The following MYCN variants were observed in gnomAD, a reference collection of about 807,000 sequenced individuals.
MYCN encodes the protein MYCN proto-oncogene, bHLH transcription factor.
A neutral mutation model predicts 28.1 loss-of-function variants in MYCN; 3 were observed. That is an observed-to-expected ratio of 0.11 (90% CI 0.05 to 0.28). The LOEUF (loss-of-function observed/expected upper bound fraction) is 0.28. MYCN is among the 10% of genes least tolerant of loss of function. MYCN has a pLI of 1.00. For missense variants in MYCN, 572 were observed against 651.4 expected, an observed-to-expected ratio of 0.88 and a Z score of 1.33; for synonymous variants, 326 against 288.3, an observed-to-expected ratio of 1.13 and a Z score of -1.32.
At chr2:15,940,858 G>A (rs1662628131) in intron 1 of MYCN, 115 bp downstream of exon 1, 1 of 397,970 alleles carries the variant, frequency 2.5e-6, no homozygotes, top group Non-Finnish European at 4.4e-6. Flanking sequence ...TATGCCCGGG[G>A]GACTGTTTCT....
At position 15,946,226 on chromosome 2, in the gene MYCN, T is replaced by C; in HGVS notation, c.*129T>C. ...GTCCCCTGTCGAGTTCGGCTCTGGGTGGGCAGTAGGACCACCAGTGTGGGG... is the reference window on the plus strand; with the variant it reads ...GTCCCCTGTCGAGTTCGGCTCTGGGCGGGCAGTAGGACCACCAGTGTGGGG... On this transcript the variant is annotated 3_prime_UTR_variant, in exon 3 of 3. Transcript: ENST00000281043. The C allele has an allele frequency of 7.3e-7, 1 of 1,360,992 alleles. No homozygotes were observed. Among genetic ancestry groups the C allele is most frequent in the Non-Finnish European group, 1.0e-6 (1 of 976,114 alleles). 84.3% of individuals were successfully genotyped at this position (1,360,992 alleles called of 1,614,324 possible).
Position 15,942,231 on chromosome 2 carries a change from T to TGCCCACGCCCCCGCTGTC in MYCN, c.173_190dup (p.Thr58_Pro63dup). 1.6e-5 allele frequency: 26 copies of TGCCCACGCCCCCGCTGTC among 1,613,146 alleles called. No homozygotes were observed. The highest frequency in any genetic ancestry group is 2.2e-5 in the Non-Finnish European group (26 of 1,179,936). ...GACATCTGGAAGAAGTTTGAGCTGC[T>TGCCCACGCCCCCGCTGTC]GCCCACGCCCCCGCTGTCGCCCAGC... On this transcript the variant is annotated inframe_insertion, in exon 2 of 3. Coordinates refer to ENST00000281043, the MANE Select transcript of MYCN (RefSeq NM_005378.6). The surrounding 1 kb of genome is among the most constrained non-coding windows in gnomAD (Gnocchi z 7.0).
chr2:15,946,336 A>C lies in MYCN; in HGVS notation c.*239A>C. The C allele has an allele frequency of 1.8e-5, 10 of 570,084 alleles. No homozygotes were observed. The highest frequency in any genetic ancestry group is 3.1e-5 in the East Asian group (1 of 32,676). 35.3% of individuals were successfully genotyped at this position (570,084 alleles called of 1,614,324 possible). A position where few individuals can be genotyped will look rare whatever the true frequency, so the allele number is the denominator to read the frequency against. ...CCACCTCACCTCCATGACAGCGCTA[A>C]ACGTTGGTGACGGTTGGGAGCCTCT... On this transcript the variant is annotated 3_prime_UTR_variant, in exon 3 of 3. Transcript: ENST00000281043.
chr2:15,941,754 G>T lies in MYCN; in HGVS notation c.-117-194G>T, dbSNP rs1336422999. The stretch of plus-strand genomic sequence containing the variant: ...TGCATGCCCCCTCCCACCCCCTGTC[G>T]TAGACAGCTTGTACACAAAAGGAGG... On this transcript the variant is annotated intron_variant, in intron 1 of 2. Coordinates refer to ENST00000281043, the MANE Select transcript of MYCN (RefSeq NM_005378.6). This position sits in a 1 kb window ranked among gnomAD's most constrained non-coding sequence, Gnocchi z 4.8. 6.0e-6 allele frequency: 3 copies of T among 501,278 alleles called. No individual in the cohort carries two copies. The South Asian group carries it at 6.6e-5, about 11-fold the overall frequency. The allele number at this position is 501,278 out of a possible 1,614,324, so 31.1% of individuals were successfully genotyped here.
At position 15,946,004 on chromosome 2, in the gene MYCN, G is replaced by T; in HGVS notation, c.1302G>T (p.Gln434His). The change falls in exon 3 of 3, where the codon CAG becomes CAT. Residue 434 changes from glutamine to histidine, a missense_variant. Physicochemically the swap from Gln to His is conservative, Grantham distance 24. Transcript: ENST00000281043. Reference protein sequence around the residue: ...KKATEYVHSLQAEEHQLLLEK... With the variant: ...KKATEYVHSLHAEEHQLLLEK... ...CCACTGAGTATGTCCACTCCCTCCA[G>T]GCCGAGGAGCACCAGCTTTTGCTGG... 1 of 1,614,204 alleles carries T rather than the reference G, an allele frequency of 6.2e-7. No homozygotes were observed. Among genetic ancestry groups the T allele is most frequent in the South Asian group, 1.1e-5 (1 of 91,088 alleles).
rs2103325559 is a variant in MYCN at position 15,942,652 on chromosome 2, C to A, written c.588C>A (p.Pro196=). 8.6e-7 allele frequency: 1 copy of A among 1,161,484 alleles called. No homozygotes were observed. Among genetic ancestry groups the A allele is most frequent in the Admixed American group, 3.7e-5 (1 of 27,226 alleles). 71.9% of individuals were successfully genotyped at this position (1,161,484 alleles called of 1,614,324 possible). The change falls in exon 2 of 3, where the codon CCC becomes CCA. Residue 196 remains proline, a synonymous_variant. Transcript: ENST00000281043. The surrounding 1 kb of genome is among the most constrained non-coding windows in gnomAD (Gnocchi z 7.0). ...CVDPAVVFPF[P]VNKREPAPVP... ...ATCCCGCCGTGGTCTTCCCCTTTCC[C>A]GTGAACAAGCGCGAGCCAGCGCCCG... is the stretch of plus-strand genomic sequence containing the variant.
At position 15,945,343 on chromosome 2, in the gene MYCN, C is replaced by G. The variant is rs930251646; in HGVS notation, c.791-150C>G. On this transcript the variant is annotated intron_variant, in intron 2 of 2. Transcript: ENST00000281043. This position sits in a 1 kb window ranked among gnomAD's most constrained non-coding sequence, Gnocchi z 4.8. ...AAAGAGATCTAAAACAAATACAAAA[C>G]TGTCCACATCTATGTTGATGGACCC... The G allele has an allele frequency of 1.1e-6, 1 of 872,978 alleles. No individual in the cohort carries two copies. Among genetic ancestry groups the G allele is most frequent in the African/African-American group, 1.7e-5 (1 of 59,220 alleles). 54.1% of individuals were successfully genotyped at this position (872,978 alleles called of 1,614,324 possible).
In MYCN at chr2:15,942,473, G is replaced by A; in HGVS notation, c.409G>A (p.Gly137Ser). The A allele has an allele frequency of 1.9e-6, 3 of 1,563,164 alleles. No homozygotes were observed. The highest frequency in any genetic ancestry group is 2.6e-6 in the Non-Finnish European group (3 of 1,159,454). The part of the protein sequence containing the change: ...ERAVSEKLQH[G>S]RGPPTAGSTA... ...CGCCGTGAGCGAGAAGCTGCAGCAC[G>A]GCCGCGGGCCGCCAACCGCCGGTTC... Residue 137 changes from glycine to serine, a missense_variant, in exon 2 of 3, where the codon GGC becomes AGC. Physicochemically the swap from Gly to Ser is moderately conservative, Grantham distance 56 (BLOSUM62 0). This residue lies in a region of MYCN where 499 missense variants were observed against 524.3 expected (regional missense o/e 0.95). Coordinates refer to ENST00000281043, the MANE Select transcript of MYCN (RefSeq NM_005378.6). The surrounding 1 kb of genome is among the most constrained non-coding windows in gnomAD (Gnocchi z 7.0).
rs780606114 is a variant in MYCN, at chr2:15,942,301, G to T, written c.237G>T (p.Thr79=). ...GCTCCGAGCCCCCGAGCTGGGTCAC[G>T]GAGATGCTGCTTGAGAACGAGCTGT... The part of the protein sequence containing the change: ...EHSSEPPSWV[T]EMLLENELWG... Residue 79 remains threonine (T), a synonymous_variant, in exon 2 of 3, where the codon ACG becomes ACT. Coordinates refer to ENST00000281043, the MANE Select transcript of MYCN (RefSeq NM_005378.6). This position sits in a 1 kb window ranked among gnomAD's most constrained non-coding sequence, Gnocchi z 7.0. 3 of 1,610,376 alleles carry T rather than the reference G, an allele frequency of 1.9e-6. No homozygotes were observed. In the East Asian group the frequency reaches 6.7e-5, roughly 36 times the overall value.
rs1572217874 is a variant in MYCN at position 15,942,667 on chromosome 2, G to A, written c.603G>A (p.Glu201=). The A allele has an allele frequency of 8.5e-7, 1 of 1,170,044 alleles. No individual in the cohort carries two copies. Among genetic ancestry groups the A allele is most frequent in the Non-Finnish European group, 1.1e-6 (1 of 946,388 alleles). The allele number at this position is 1,170,044 out of a possible 1,614,324, so 72.5% of individuals were successfully genotyped here. The change falls in exon 2 of 3, where the codon GAG becomes GAA. Residue 201 remains glutamate (E), a synonymous_variant. Coordinates refer to ENST00000281043, the MANE Select transcript of MYCN (RefSeq NM_005378.6). This position sits in a 1 kb window ranked among gnomAD's most constrained non-coding sequence, Gnocchi z 7.0. The part of the protein sequence containing the change: ...VVFPFPVNKR[E]PAPVPAAPAS... The stretch of plus-strand genomic sequence containing the variant: ...TCCCCTTTCCCGTGAACAAGCGCGA[G>A]CCAGCGCCCGTGCCCGCAGCCCCGG...
Position 15,941,648 on chromosome 2 carries a change from G to GC in MYCN, c.-117-295dup. 1 of 293,030 alleles carries GC rather than the reference G, an allele frequency of 3.4e-6. No homozygotes were observed. The highest frequency in any genetic ancestry group is 6.4e-5 in the East Asian group (1 of 15,666). The allele number at this position is 293,030 out of a possible 1,614,324, so 18.2% of individuals were successfully genotyped here. The stretch of plus-strand genomic sequence containing the variant: ...AGCTAGAATTCTGCAGCCAGGAACA[G>GC]CCCCCTCCCCCAGGCAGTGCCTTGT... On this transcript the variant is annotated intron_variant, in intron 1 of 2. Transcript: ENST00000281043. This position sits in a 1 kb window ranked among gnomAD's most constrained non-coding sequence, Gnocchi z 4.8.
rs2103325172 is a variant in MYCN, at chr2:15,942,550, C to G, written c.486C>G (p.His162Gln). The G allele has an allele frequency of 8.3e-7, 1 of 1,208,348 alleles. No homozygotes were observed. Among genetic ancestry groups the G allele is most frequent in the Non-Finnish European group, 1.0e-6 (1 of 974,432 alleles). 74.9% of individuals were successfully genotyped at this position (1,208,348 alleles called of 1,614,324 possible). The change falls in exon 2 of 3, where the codon CAC becomes CAG. Residue 162 changes from histidine (H) to glutamine (Q), a missense_variant. By Grantham distance (24) the His-to-Gln change is conservative. Transcript: ENST00000281043. The surrounding 1 kb of genome is among the most constrained non-coding windows in gnomAD (Gnocchi z 7.0). ...CCGCCAGCCCTGCGGGTCGCGGGCA[C>G]GGCGGGGCTGCGGGAGCCGGCCGCG... The part of the protein sequence containing the change: ...AGAASPAGRG[H>Q]GGAAGAGRAG...
Position 15,942,948 on chromosome 2 carries a change from G to C in MYCN, c.790+94G>C, listed in dbSNP as rs1053045611. On this transcript the variant is annotated intron_variant, in intron 2 of 2. Coordinates refer to ENST00000281043, the MANE Select transcript of MYCN (RefSeq NM_005378.6). The surrounding 1 kb of genome is among the most constrained non-coding windows in gnomAD (Gnocchi z 7.0). ...GTGCTCGTATGTCTTGGCCTGGGGA[G>C]CATTTTGGAGGCAGTGCTAGGGGCA... is the stretch of plus-strand genomic sequence containing the variant. The C allele has an allele frequency of 2.3e-5, 33 of 1,445,716 alleles. No individual in the cohort carries two copies. The highest frequency in any genetic ancestry group is 3.0e-5 in the Non-Finnish European group (32 of 1,082,424). The allele number at this position is 1,445,716 out of a possible 1,614,324, so 89.6% of individuals were successfully genotyped here.
In MYCN at chr2:15,946,729, TA is replaced by T. The variant is rs1662883694; in HGVS notation, c.*633del. On this transcript the variant is annotated 3_prime_UTR_variant, in exon 3 of 3. Transcript: ENST00000281043. ...CTGATACATAACTAAATTTGATACT[TA>T]TATTTTCGTATGAAAATGAGTTGTG... 1 of 228,752 alleles carries T rather than the reference TA, an allele frequency of 4.4e-6. No homozygotes were observed. The highest frequency in any genetic ancestry group is 2.2e-5 in the African/African-American group (1 of 45,042). 14.2% of individuals were successfully genotyped at this position (228,752 alleles called of 1,614,324 possible).
Position 15,946,034 on chromosome 2 carries a change from G to A in MYCN, c.1332G>A (p.Lys444=), listed in dbSNP as rs1219304262. ...QAEEHQLLLE[K]EKLQARQQQL... is the part of the protein sequence containing the mutation. The stretch of plus-strand genomic sequence containing the variant: ...AGGAGCACCAGCTTTTGCTGGAAAA[G>A]GAAAAATTGCAGGCAAGACAGCAGC... The change falls in exon 3 of 3, where the codon AAG becomes AAA. Residue 444 remains lysine, a synonymous_variant. Coordinates refer to ENST00000281043, the MANE Select transcript of MYCN (RefSeq NM_005378.6). 1.2e-6 allele frequency: 2 copies of A among 1,614,072 alleles called. No homozygotes were observed. The highest frequency in any genetic ancestry group is 1.7e-6 in the Non-Finnish European group (2 of 1,180,054).
rs745570906 is a variant in MYCN, at chr2:15,942,595, C to G, written c.531C>G (p.Ala177=). The G allele has an allele frequency of 3.3e-5, 36 of 1,075,448 alleles. No individual in the cohort carries two copies. The highest frequency in any genetic ancestry group is 3.9e-5 in the Non-Finnish European group (35 of 890,148). The allele number at this position is 1,075,448 out of a possible 1,614,324, so 66.6% of individuals were successfully genotyped here. The stretch of plus-strand genomic sequence containing the variant: ...GCCGCGCCGGGGCCGCCCTGCCCGC[C>G]GAGCTCGCCCACCCGGCCGCCGAGT... ...GAGRAGAALP[A]ELAHPAAECV... is the part of the protein sequence containing the mutation. Residue 177 remains alanine, a synonymous_variant, in exon 2 of 3, where the codon GCC becomes GCG. Coordinates refer to ENST00000281043, the MANE Select transcript of MYCN (RefSeq NM_005378.6). The surrounding 1 kb of genome is among the most constrained non-coding windows in gnomAD (Gnocchi z 7.0).
chr2:15,941,719 C>A lies in MYCN; in HGVS notation c.-117-229C>A. The stretch of plus-strand genomic sequence containing the variant: ...CAAAGTTGCGGAGCCTCGCCACCAC[C>A]CCCTGCATCTGCATGCCCCCTCCCA... On this transcript the variant is annotated intron_variant, in intron 1 of 2. Transcript: ENST00000281043. The surrounding 1 kb of genome is among the most constrained non-coding windows in gnomAD (Gnocchi z 4.8). 2.3e-6 allele frequency: 1 copy of A among 438,266 alleles called. No individual in the cohort carries two copies. Among genetic ancestry groups the A allele is most frequent in the Non-Finnish European group, 4.2e-6 (1 of 240,466 alleles). The allele number at this position is 438,266 out of a possible 1,614,324, so 27.1% of individuals were successfully genotyped here. A position where few individuals can be genotyped will look rare whatever the true frequency, so the allele number is the denominator to read the frequency against.
At position 15,940,573 on chromosome 2, in the gene MYCN, G is replaced by T. The variant is rs1402148350; in HGVS notation, c.-288G>T. 5 of 400,016 alleles carry T rather than the reference G, an allele frequency of 1.2e-5. No homozygotes were observed. Among genetic ancestry groups the T allele is most frequent in the Non-Finnish European group, 2.2e-5 (5 of 226,286 alleles). 24.8% of individuals were successfully genotyped at this position (400,016 alleles called of 1,614,324 possible). A position where few individuals can be genotyped will look rare whatever the true frequency, so the allele number is the denominator to read the frequency against. The stretch of plus-strand genomic sequence containing the variant: ...GCAGGCTGTGACAGTCATCTGTCTG[G>T]ACGCGCTGGGTGGATGCGGGGGGCT... On this transcript the variant is annotated 5_prime_UTR_variant, in exon 1 of 3. Transcript: ENST00000281043.
At chr2:15,943,214 G>A (rs1662761100) in intron 2 of MYCN, among the ~76,000 whole-genome samples, 1 of 152,088 alleles carries the variant, frequency 6.6e-6, no homozygotes, top group South Asian at 2.1e-4. Context: ...GGTTTAGGGG[G>A]TTGCTGGGTG....
Sources: allele counts gnomAD v4.1 joint callset (sites outside exome capture counted in the v4.1 genomes callset), GRCh38; gene constraint gnomAD v4.1.1; regional missense constraint gnomAD v4.1.1; non-coding constraint Gnocchi (gnomAD v3.1); transcripts MANE v1.5; gene names NCBI Gene and HGNC (gene_info 2026-07-23, HGNC 2026-07-21).